The following EIF2B5 variants were observed in gnomAD, a reference collection of about 807,000 sequenced individuals.
EIF2B5 encodes eukaryotic translation initiation factor 2B subunit epsilon.
In EIF2B5, 38 loss-of-function variants were observed where a neutral mutation model predicts 87.3. That is an observed-to-expected ratio of 0.44 (90% confidence interval 0.34 to 0.57). The LOEUF is 0.57. Ranked by LOEUF, EIF2B5 falls within the 20% of genes least tolerant of loss-of-function variation. The pLI, the probability that EIF2B5 is intolerant of heterozygous loss-of-function variation, is 0.02. For synonymous variants in EIF2B5, 313 were observed against 339.6 expected (o/e 0.92, Z 0.86); for missense variants, 784 against 909.5 (o/e 0.86, Z 1.78).
chr3:184,137,086 C>T, intron 2 of EIF2B5: 1 of 361,066 alleles, frequency 2.8e-6, no homozygotes, highest in Non-Finnish European at 5.2e-6. Context: ...TTTGTTCTCA[C>T]CTTCAAGGAT....
rs1326927017 is a variant in EIF2B5, at chr3:184,140,418, A to C, written c.844A>C (p.Ile282Leu). Residue 282 changes from isoleucine (I) to leucine (L), a missense_variant and splice_region_variant, in exon 7 of 16, where the codon ATC (isoleucine) becomes CTC (leucine). Ile to Leu is a conservative substitution (Grantham distance 5). Around this residue, in one of 3 missense-constraint regions of EIF2B5, gnomAD observed 660 missense variants for 789.5 expected, o/e 0.84. Transcript: ENST00000648915. ...TGACCTCCCTTTCCTTCTCATTCAGATCCTAGGGAACCAGATCCACATGCA... is the reference window on the plus strand; with the variant it reads ...TGACCTCCCTTTCCTTCTCATTCAGCTCCTAGGGAACCAGATCCACATGCA... ...FVRGLLVNEE[I>L]LGNQIHMHVT... The C allele has an allele frequency of 6.2e-7, 1 of 1,613,952 alleles. No homozygotes were observed. The highest frequency in any genetic ancestry group is 1.1e-5 in the South Asian group (1 of 91,064).
chr3:184,140,212 T>G (rs1357056030), intron 6 of EIF2B5, 55 bp downstream of exon 6: 1 of 1,555,246 alleles, frequency 6.4e-7, no homozygotes, highest in East Asian at 2.2e-5. Context: ...TATGATTGTA[T>G]CTCATGCTGG....
At position 184,142,766 on chromosome 3, in the gene EIF2B5, T is replaced by A. The variant is rs1713696267; in HGVS notation, c.1547-13T>A. ...TCTTTTTTTCTTTTTCCTCACCCAT[T>A]ATGGCTTCTCAGGACTCAAGATCAA... On this transcript the variant is annotated splice_polypyrimidine_tract_variant and intron_variant, in intron 10 of 15. Coordinates refer to ENST00000648915, the MANE Select transcript of EIF2B5 (RefSeq NM_003907.3). The surrounding 1 kb of genome is among the most constrained non-coding windows in gnomAD (Gnocchi z 5.0). The A allele has an allele frequency of 2.5e-6, 4 of 1,612,440 alleles. No individual in the cohort carries two copies. The highest frequency in any genetic ancestry group is 3.4e-6 in the Non-Finnish European group (4 of 1,179,150).
intron 12 of EIF2B5, 91 bp from the exon 13 acceptor site, chr3:184,143,351 C>G (rs541205254): frequency 6.2e-7 from 1 of 1,606,248 alleles, no homozygotes; most frequent in Non-Finnish European, 8.5e-7. Flanking sequence ...ATTGTTCCAT[C>G]CAGATTCCTC....
rs760696942 is a variant in EIF2B5 at position 184,138,063 on chromosome 3, T to C, written c.672T>C (p.Phe224=). The change falls in exon 4 of 16, where the codon TTT becomes TTC. Residue 224 remains phenylalanine, a synonymous_variant. Coordinates refer to ENST00000648915, the MANE Select transcript of EIF2B5 (RefSeq NM_003907.3). ...HFQKTQGLRR[F]AFPLSLFQGS... is the part of the protein sequence containing the mutation. ...AGAAGACCCAGGGTCTCCGGCGTTTTGCATTTCCTCTGGTGTGTGGATATC... is the reference window on the plus strand; with the variant it reads ...AGAAGACCCAGGGTCTCCGGCGTTTCGCATTTCCTCTGGTGTGTGGATATC... 2 of 1,614,188 alleles carry C rather than the reference T, an allele frequency of 1.2e-6. No individual in the cohort carries two copies. The highest frequency in any genetic ancestry group is 1.3e-5 in the African/African-American group (1 of 75,044).
At position 184,140,831 on chromosome 3, in the gene EIF2B5, C is replaced by T. The variant is rs1306528383; in HGVS notation, c.1156+101C>T. 2.9e-6 allele frequency: 4 copies of T among 1,375,874 alleles called. No individual in the cohort carries two copies. The African/African-American group carries it at 5.7e-5, about 20-fold the overall frequency. The allele number at this position is 1,375,874 out of a possible 1,614,324, so 85.2% of individuals were successfully genotyped here. ...GGGATGGCTACACAAGGGACAGTCC[C>T]TGGGAATAAGGAACTATAGAGCGGC... is the stretch of plus-strand genomic sequence containing the variant. On this transcript the variant is annotated intron_variant, in intron 7 of 15. Coordinates refer to ENST00000648915, the MANE Select transcript of EIF2B5 (RefSeq NM_003907.3).
In EIF2B5 at chr3:184,144,214, C is replaced by T; in HGVS notation, c.1985C>T (p.Ser662Phe). The part of the protein sequence containing the change: ...FFLEHEALGI[S>F]MAKVLMAFYQ... ...CTAGAGCATGAAGCTCTTGGTATTT[C>T]CATGGCCAAGGTGAATATGACCTCA... The change falls in exon 14 of 16, where the codon TCC becomes TTC. Residue 662 changes from serine to phenylalanine, a missense_variant. Physicochemically the swap from Ser to Phe is radical, Grantham distance 155. Around this residue, in one of 3 missense-constraint regions of EIF2B5, gnomAD observed 660 missense variants for 789.5 expected, o/e 0.84. Transcript: ENST00000648915. 1 of 1,614,110 alleles carries T rather than the reference C, an allele frequency of 6.2e-7. No individual in the cohort carries two copies. Among genetic ancestry groups the T allele is most frequent in the Non-Finnish European group, 8.5e-7 (1 of 1,180,042 alleles).
chr3:184,138,321 C>A (rs1713458774), intron 5 of EIF2B5, 75 bp downstream of exon 5: 1 of 1,283,870 alleles, frequency 7.8e-7, no homozygotes, highest in Non-Finnish European at 1.1e-6. Flanking sequence ...CCTTAGAAGG[C>A]CAGGGTATAT....
At position 184,144,241 on chromosome 3, in the gene EIF2B5, G is replaced by A. The variant is rs1713765007; in HGVS notation, c.1995+17G>A. The stretch of plus-strand genomic sequence containing the variant: ...ATGGCCAAGGTGAATATGACCTCAA[G>A]CCCCATTCTTCTGCACTTGCTTTCA... On this transcript the variant is annotated intron_variant, in intron 14 of 15. Coordinates refer to ENST00000648915, the MANE Select transcript of EIF2B5 (RefSeq NM_003907.3). 2 of 1,613,528 alleles carry A rather than the reference G, an allele frequency of 1.2e-6. No homozygotes were observed. Among genetic ancestry groups the A allele is most frequent in the Non-Finnish European group, 1.7e-6 (2 of 1,180,020 alleles).
rs143639170 is a variant in EIF2B5 at position 184,144,459 on chromosome 3, C to T, written c.1996-138C>T. The T allele has an allele frequency of 7.6e-4, 795 of 1,046,478 alleles. 18 individuals are homozygous for T. The East Asian group carries it at 0.012, about 16-fold the overall frequency. 64.8% of individuals were successfully genotyped at this position (1,046,478 alleles called of 1,614,324 possible). A position where few individuals can be genotyped will look rare whatever the true frequency, so the allele number is the denominator to read the frequency against. On this transcript the variant is annotated intron_variant, in intron 14 of 15. Coordinates refer to ENST00000648915, the MANE Select transcript of EIF2B5 (RefSeq NM_003907.3). ...CAATAGTTCCAGAAGTTAGACCTGC[C>T]CCAGGAGCAGAGCGAACAGCTCACT...
Position 184,140,154 on chromosome 3 carries a change from G to A in EIF2B5, c.840G>A (p.Glu280=), listed in dbSNP as rs138820746. ...DDFVRGLLVN[E]EILGNQIHMH... Reference sequence around the variant, plus strand: ...TTGTGCGAGGTCTCTTAGTGAATGAGGAGGTGAGAAAAGTCTTCCAATGCC... The same window carrying A: ...TTGTGCGAGGTCTCTTAGTGAATGAAGAGGTGAGAAAAGTCTTCCAATGCC... Residue 280 remains glutamate, a synonymous_variant, in exon 6 of 16, where the codon GAG becomes GAA. Transcript: ENST00000648915. 78 of 1,613,650 alleles carry A rather than the reference G, an allele frequency of 4.8e-5. 1 individual carries two copies. In the South Asian group the frequency reaches 8.2e-4, roughly 17 times the overall value.
chr3:184,140,858 A>G (rs1713604213), intron 7 of EIF2B5, 128 bp downstream of exon 7: 6 of 1,104,242 alleles, frequency 5.4e-6, no homozygotes, highest in Non-Finnish European at 8.0e-6. Flanking sequence ...TAGAGCGGCT[A>G]CCTCAGGAAA....
chr3:184,142,471 G>A lies in EIF2B5; in HGVS notation c.1445-31G>A. 6.2e-7 allele frequency: 1 copy of A among 1,614,048 alleles called. No individual in the cohort carries two copies. Among genetic ancestry groups the A allele is most frequent in the Non-Finnish European group, 8.5e-7 (1 of 1,179,990 alleles). On this transcript the variant is annotated intron_variant, in intron 9 of 15. Coordinates refer to ENST00000648915, the MANE Select transcript of EIF2B5 (RefSeq NM_003907.3). The surrounding 1 kb of genome is among the most constrained non-coding windows in gnomAD (Gnocchi z 5.0). The stretch of plus-strand genomic sequence containing the variant: ...CCTGGAGGGATTGGTGCTTCCGCCG[G>A]GCCCTCTCTATAGATCATTGCCTTT...
Position 184,140,747 on chromosome 3 carries a change from A to T in EIF2B5, c.1156+17A>T, listed in dbSNP as rs763952710. The T allele has an allele frequency of 9.9e-6, 16 of 1,613,448 alleles. No homozygotes were observed. The highest frequency in any genetic ancestry group is 8.5e-6 in the Non-Finnish European group (10 of 1,180,008). Reference sequence around the variant, plus strand: ...GCCACATTGGTGAGCACAGGTGGGGAATCAAGCCAACTATCCTAGGAACAG... The same window carrying T: ...GCCACATTGGTGAGCACAGGTGGGGTATCAAGCCAACTATCCTAGGAACAG... On this transcript the variant is annotated intron_variant, in intron 7 of 15. Coordinates refer to ENST00000648915, the MANE Select transcript of EIF2B5 (RefSeq NM_003907.3).
At position 184,144,659 on chromosome 3, in the gene EIF2B5, C is replaced by T. The variant is rs1395199825; in HGVS notation, c.2058C>T (p.Ser686=). 3 of 1,613,942 alleles carry T rather than the reference C, an allele frequency of 1.9e-6. No individual in the cohort carries two copies. Among genetic ancestry groups the T allele is most frequent in the Non-Finnish European group, 2.5e-6 (3 of 1,180,010 alleles). The change falls in exon 15 of 16, where the codon AGC becomes AGT. Residue 686 remains serine (S), a synonymous_variant. Transcript: ENST00000648915. ...AGGAAACAATTCTGAGCTGGTTCAG[C>T]CAAAGAGATACAACTGACAAGGGCC... ...LAEETILSWF[S]QRDTTDKGQQ...
At position 184,135,594 on chromosome 3, in the gene EIF2B5, A is replaced by G. The variant is rs1311478495; in HGVS notation, c.195+14A>G. 6.3e-7 allele frequency: 1 copy of G among 1,577,252 alleles called. No individual in the cohort carries two copies. Among genetic ancestry groups the G allele is most frequent in the South Asian group, 1.2e-5 (1 of 86,374 alleles). On this transcript the variant is annotated intron_variant, in intron 1 of 15. Transcript: ENST00000648915. Reference sequence around the variant, plus strand: ...GACCAGCCTCGGGTGAGCGCCGCGCACGCGAGCAGCCAGAGGGCAGGAAGG... The same window carrying G: ...GACCAGCCTCGGGTGAGCGCCGCGCGCGCGAGCAGCCAGAGGGCAGGAAGG...
chr3:184,141,962 G>T lies in EIF2B5; in HGVS notation c.1194G>T (p.Gln398His). 1 of 1,614,162 alleles carries T rather than the reference G, an allele frequency of 6.2e-7. No homozygotes were observed. Among genetic ancestry groups the T allele is most frequent in the Non-Finnish European group, 8.5e-7 (1 of 1,180,030 alleles). The change falls in exon 8 of 16, where the codon CAG becomes CAT. Residue 398 changes from glutamine (Q) to histidine (H), a missense_variant. Around this residue, in one of 3 missense-constraint regions of EIF2B5, gnomAD observed 660 missense variants for 789.5 expected, o/e 0.84. Transcript: ENST00000648915. ...TGCTGGACCAGACCTACCTGTGGCA[G>T]GGTGTTCGAGTGGCGGCTGGAGCAC... ...NVVLDQTYLW[Q>H]GVRVAAGAQI...
intron 13 of EIF2B5, chr3:184,143,826 C>G (rs2109011666): frequency 1.5e-6 from 1 of 673,242 alleles, no homozygotes; most frequent in Non-Finnish European, 2.5e-6. Flanking sequence ...CATTCAGACT[C>G]TATGGCAGCA....
intron 7 of EIF2B5, among the ~76,000 whole-genome samples, chr3:184,141,652 A>G (rs1713639737): frequency 6.6e-6 from 1 of 152,122 alleles, no homozygotes; most frequent in Non-Finnish European, 1.5e-5. Context: ...ATATGATTCT[A>G]ATAAGGTTTT....
Sources: allele counts gnomAD v4.1 joint callset (sites outside exome capture counted in the v4.1 genomes callset), GRCh38; gene constraint gnomAD v4.1.1; regional missense constraint gnomAD v4.1.1; non-coding constraint Gnocchi (gnomAD v3.1); transcripts MANE v1.5; gene names NCBI Gene and HGNC (gene_info 2026-07-23, HGNC 2026-07-21).